RERG: variants seen among roughly 807,000 people sequenced by gnomAD.
RERG encodes RAS like estrogen regulated growth inhibitor.
RERG carries 25 observed loss-of-function variants against 23.2 expected under a neutral mutation model. The ratio of observed to expected loss-of-function variants is 1.08; its 90% CI spans 0.79 to 1.50. RERG has a LOEUF of 1.50. RERG is among the 40% of genes most tolerant of loss of function. RERG has a pLI of 0.00. For missense variants in RERG, 253 were observed against 250.1 expected (o/e 1.01, Z -0.08); for synonymous variants, 81 against 89.1 (o/e 0.91, Z 0.51).
intron 2 of RERG, among the ~76,000 whole-genome samples, chr12:15,199,753 A>G (rs1865192100): frequency 6.6e-6 from 1 of 152,102 alleles, no homozygotes; most frequent in South Asian, 2.1e-4. Flanking sequence ...AATTTAATAT[A>G]GCAGTTAATG....
intron 2 of RERG, among the ~76,000 whole-genome samples, chr12:15,136,441 T>A (rs1446274356): frequency 6.6e-6 from 1 of 152,052 alleles, no homozygotes; most frequent in Non-Finnish European, 1.5e-5. Context: ...TTATTTTGTG[T>A]TTAATTCACT....
intron 2 of RERG, among the ~76,000 whole-genome samples, chr12:15,129,397 T>C (rs1864004748): frequency 6.6e-6 from 1 of 152,156 alleles, no homozygotes; most frequent in African/African-American, 2.4e-5. Flanking sequence ...TGCTGATAAC[T>C]GAATGCAATA....
chr12:15,146,191 T>C (rs1377811102), intron 2 of RERG, among the ~76,000 whole-genome samples: 2 of 152,184 alleles, frequency 1.3e-5, no homozygotes, highest in Non-Finnish European at 2.9e-5. Context: ...ACAAAAGTGA[T>C]AAATAAACTT....
At chr12:15,130,788 C>A (rs1864032282) in intron 2 of RERG, among the ~76,000 whole-genome samples, 2 of 152,152 alleles carry the variant, frequency 1.3e-5, no homozygotes, top group Admixed American at 6.5e-5. Flanking sequence ...GAGAACACAT[C>A]AGTTCTCTGT....
rs60258790 is a variant in RERG at position 15,192,737 on chromosome 12, T to C, written c.61+24692A>G. On this transcript the variant is annotated intron_variant, in intron 2 of 4. Transcript: ENST00000256953. The stretch of plus-strand genomic sequence containing the variant: ...CTTGTCATGTTTCCTTGGCTTTCTG[T>C]AATCTGTGACAGTTCCTCAGTCTTT... 8.7e-3 allele frequency among the ~76,000 whole-genome samples: 1,330 copies of C among 152,302 alleles called. 17 individuals are homozygous for C. The highest frequency in any genetic ancestry group is 0.031 in the African/African-American group (1,277 of 41,564).
At chr12:15,189,453 A>T (rs547014289) in intron 2 of RERG, among the ~76,000 whole-genome samples, 6 of 152,258 alleles carry the variant, frequency 3.9e-5, no homozygotes, top group Admixed American at 1.3e-4. Flanking sequence ...CTTTGCTTAA[A>T]TGCAATCTTC....
At position 15,190,815 on chromosome 12, in the gene RERG, T is replaced by C. The variant is rs538234317; in HGVS notation, c.61+26614A>G. ...ACAGAACCCTTTATCATCCCATAGT[T>C]TCTGTGGTCAGAAGTCCTTTGCTCA... On this transcript the variant is annotated intron_variant, in intron 2 of 4. Coordinates refer to ENST00000256953, the MANE Select transcript of RERG (RefSeq NM_032918.3). 4.6e-5 allele frequency among the ~76,000 whole-genome samples: 7 copies of C among 152,236 alleles called. No homozygotes were observed. In the South Asian group the frequency reaches 1.5e-3, roughly 32 times the overall value.
At chr12:15,132,925 G>A (rs1864074479) in intron 2 of RERG, among the ~76,000 whole-genome samples, 1 of 151,626 alleles carries the variant, frequency 6.6e-6, no homozygotes, top group Admixed American at 6.6e-5. Flanking sequence ...TAAGTTCATA[G>A]CAAAATTGAT....
At chr12:15,217,759 A>C (rs1176932396) in intron 1 of RERG, 156 bp from the exon 2 acceptor site, 2 of 339,154 alleles carry the variant, frequency 5.9e-6, no homozygotes, top group Admixed American at 9.4e-5. Flanking sequence ...ACTTACTGTA[A>C]ATGATTTAAC....
At chr12:15,174,367 TC>T (rs1864816908) in intron 2 of RERG, among the ~76,000 whole-genome samples, 2 of 152,198 alleles carry the variant, frequency 1.3e-5, no homozygotes, top group Admixed American at 6.5e-5. Context: ...AGATCATTTT[TC>T]CCTTGTTGCT....
At position 15,204,224 on chromosome 12, in the gene RERG, T is replaced by C. The variant is rs377193406; in HGVS notation, c.61+13205A>G. ...TCATATTGGCATAAAAACAGGCACA[T>C]AGACCAACAGAACAGAATAGAGAGC... is the stretch of plus-strand genomic sequence containing the variant. On this transcript the variant is annotated intron_variant, in intron 2 of 4. Transcript: ENST00000256953. 1.7e-3 allele frequency among the ~76,000 whole-genome samples: 252 copies of C among 151,906 alleles called. 10 individuals are homozygous for C. The South Asian group carries it at 0.05, about 30-fold the overall frequency.
At chr12:15,205,194 C>G (rs185876622) in intron 2 of RERG, among the ~76,000 whole-genome samples, 1 of 152,106 alleles carries the variant, frequency 6.6e-6, no homozygotes, top group Admixed American at 6.6e-5. Context: ...CAGGAAAACA[C>G]TATGGTCCCT....
intron 2 of RERG, 150 bp downstream of exon 2, chr12:15,217,276 TAAA>T (rs1865452573): frequency 1.6e-6 from 1 of 623,264 alleles, no homozygotes; most frequent in African/African-American, 1.8e-5. Flanking sequence ...TTACGCAAAA[TAAA>T]AGTTCTAGAT....
intron 2 of RERG, among the ~76,000 whole-genome samples, chr12:15,142,977 G>C (rs192685800): frequency 6.6e-6 from 1 of 152,294 alleles, no homozygotes; most frequent in Admixed American, 6.5e-5. Flanking sequence ...ACAGGGAGGA[G>C]TACATTTGGA....
intron 2 of RERG, among the ~76,000 whole-genome samples, chr12:15,193,982 C>G (rs555652438): frequency 6.6e-6 from 1 of 152,060 alleles, no homozygotes; most frequent in African/African-American, 2.4e-5. Context: ...CCCATCCCTC[C>G]CTCCAAAAGG....
intron 2 of RERG, among the ~76,000 whole-genome samples, chr12:15,202,742 T>C (rs891915779): frequency 2.6e-5 from 4 of 151,742 alleles, no homozygotes; most frequent in African/African-American, 9.7e-5. Context: ...CTATTCTGAA[T>C]AATGCTCCAA....
At chr12:15,161,642 T>A (rs1486011999) in intron 2 of RERG, among the ~76,000 whole-genome samples, 2 of 152,202 alleles carry the variant, frequency 1.3e-5, no homozygotes, top group African/African-American at 4.8e-5. Context: ...CAAGCACCTA[T>A]TTTGAATCAG....
intron 3 of RERG, among the ~76,000 whole-genome samples, chr12:15,117,671 A>ACGCG (rs112757751): frequency 4.4e-5 from 3 of 67,970 alleles, no homozygotes; most frequent in African/African-American, 1.5e-4. Flanking sequence ...TCCATCACAC[A>ACGCG]CGCGCACACA....
chr12:15,142,789 C>T (rs1160624160), intron 2 of RERG, among the ~76,000 whole-genome samples: 1 of 152,042 alleles, frequency 6.6e-6, no homozygotes, highest in Non-Finnish European at 1.5e-5. Flanking sequence ...AAAAAAAACC[C>T]CTGAAATATC....
Sources: gnomAD v4.1 joint callset for allele counts (sites outside exome capture counted in the v4.1 genomes callset) on GRCh38, gnomAD v4.1.1 for gene constraint, MANE v1.5 for transcripts, NCBI Gene and HGNC (gene_info 2026-07-23, HGNC 2026-07-21) for gene names.